Variants in SDK1 observed in about 807,000 individuals in gnomAD.
The protein encoded by SDK1 is protein sidekick-1.
In SDK1, 157 loss-of-function variants were observed where a neutral mutation model predicts 245.5. That is an observed-to-expected ratio of 0.64 (90% confidence interval 0.56 to 0.73). SDK1 has a LOEUF of 0.73. SDK1 is among the 30% of genes least tolerant of loss of function. SDK1 has a pLI of 0.00. For synonymous variants in SDK1, 1,647 were observed against 1,278.5 expected (o/e 1.29, Z -6.15); for missense variants, 3,583 against 3,002.3 (o/e 1.19, Z -4.52).
chr7:3,616,038 C>G (rs928929010), intron 1 of SDK1, among the ~76,000 whole-genome samples: 1 of 152,074 alleles, frequency 6.6e-6, no homozygotes, highest in African/African-American at 2.4e-5. Flanking sequence ...GTGTATATCA[C>G]CACACTGGCT....
At chr7:3,589,652 A>G (rs1289180854) in intron 1 of SDK1, among the ~76,000 whole-genome samples, 1 of 152,208 alleles carries the variant, frequency 6.6e-6, no homozygotes, top group Non-Finnish European at 1.5e-5. Context: ...GAGGCAGGCA[A>G]GAGAGCATGT....
At chr7:3,999,125 A>AACAC (rs140564397) in intron 14 of SDK1, among the ~76,000 whole-genome samples, 2 of 151,284 alleles carry the variant, frequency 1.3e-5, no homozygotes, top group Middle Eastern at 3.4e-3. Context: ...TCTCTCCCCA[A>AACAC]ACACACACAC....
intron 25 of SDK1, among the ~76,000 whole-genome samples, chr7:4,116,357 C>A (rs1439235347): frequency 6.6e-6 from 1 of 152,186 alleles, no homozygotes; most frequent in African/African-American, 2.4e-5. Flanking sequence ...GGAGTCTGCA[C>A]CCTGGGCTTG....
At chr7:3,761,260 CTTTTTTTTT>C (rs71029692) in intron 4 of SDK1, among the ~76,000 whole-genome samples, 73 of 93,730 alleles carry the variant, frequency 7.8e-4, no homozygotes, top group Admixed American at 1.9e-3. Context: ...GCCCCCCCTC[CTTTTTTTTT>C]TTTTTTTTTT....
intron 28 of SDK1, among the ~76,000 whole-genome samples, chr7:4,142,474 G>T (rs10951439): frequency 0.54 from 81,151 of 151,568 alleles, 22,515 homozygotes; most frequent in East Asian, 0.85. Context: ...GATTACAAGC[G>T]CCCGCCATCA....
chr7:3,789,917 G>C (rs1781028200), intron 4 of SDK1, among the ~76,000 whole-genome samples: 1 of 150,814 alleles, frequency 6.6e-6, no homozygotes, highest in South Asian at 2.1e-4. Context: ...GTGTTGGGGG[G>C]TTGGGGGCGG....
chr7:4,112,169 G>T (rs767955573), intron 23 of SDK1, among the ~76,000 whole-genome samples: 1 of 152,152 alleles, frequency 6.6e-6, no homozygotes, highest in Admixed American at 6.5e-5. Flanking sequence ...ATATATGCAA[G>T]GTGAACATTG....
chr7:3,887,163 T>G (rs7809616), intron 5 of SDK1, among the ~76,000 whole-genome samples: 53,062 of 152,058 alleles, frequency 0.35, 11,988 homozygotes, highest in African/African-American at 0.65. Flanking sequence ...TCCATGTGGG[T>G]ACTCAGGGGT....
intron 5 of SDK1, among the ~76,000 whole-genome samples, chr7:3,836,056 A>T (rs957560053): frequency 5.3e-5 from 8 of 152,196 alleles, no homozygotes; most frequent in African/African-American, 1.9e-4. Context: ...TCAGAGATGG[A>T]CTGTGTTATA....
intron 4 of SDK1, among the ~76,000 whole-genome samples, chr7:3,735,542 A>T (rs932692863): frequency 6.6e-6 from 1 of 152,240 alleles, no homozygotes; most frequent in African/African-American, 2.4e-5. Flanking sequence ...TGCATAGGGC[A>T]CGGTGTGTTT....
At chr7:3,743,572 G>A (rs1389494740) in intron 4 of SDK1, among the ~76,000 whole-genome samples, 1 of 152,094 alleles carries the variant, frequency 6.6e-6, no homozygotes, top group Non-Finnish European at 1.5e-5. Flanking sequence ...TGGGTGTGCC[G>A]GGATACAGAA....
At chr7:3,950,053 A>T (rs1402697504) in intron 5 of SDK1, among the ~76,000 whole-genome samples, 1 of 152,242 alleles carries the variant, frequency 6.6e-6, no homozygotes, top group African/African-American at 2.4e-5. Context: ...GCAAACTCTT[A>T]AATCAATAAA....
At chr7:4,050,339 G>A (rs561408776) in intron 18 of SDK1, among the ~76,000 whole-genome samples, 24 of 152,274 alleles carry the variant, frequency 1.6e-4, no homozygotes, top group African/African-American at 5.5e-4. Context: ...CCTGCCTTTC[G>A]TTTACCCTCA....
chr7:3,344,245 A>G (rs1780433850), intron 1 of SDK1, among the ~76,000 whole-genome samples: 1 of 152,222 alleles, frequency 6.6e-6, no homozygotes, highest in Admixed American at 6.5e-5. Context: ...TGTTTTAAAA[A>G]TGGTGGTAAA....
chr7:4,239,134 T>C (rs981171878), intron 42 of SDK1, among the ~76,000 whole-genome samples: 3 of 152,174 alleles, frequency 2.0e-5, no homozygotes, highest in African/African-American at 7.2e-5. Context: ...ATTCAGTCAA[T>C]AAGCATTTAT....
At chr7:4,034,348 G>A (rs73300926) in intron 17 of SDK1, among the ~76,000 whole-genome samples, 2 of 152,172 alleles carry the variant, frequency 1.3e-5, no homozygotes, top group South Asian at 4.1e-4. Context: ...TTAGATGGCA[G>A]TCATGTGTCA....
At chr7:3,809,344 C>T (rs1221668681) in intron 4 of SDK1, among the ~76,000 whole-genome samples, 2 of 152,122 alleles carry the variant, frequency 1.3e-5, no homozygotes, top group African/African-American at 2.4e-5. Flanking sequence ...AGTCACCTCC[C>T]ACCAGGCCCC....
chr7:3,368,225 T>C (rs997167586), intron 1 of SDK1, among the ~76,000 whole-genome samples: 19 of 152,218 alleles, frequency 1.2e-4, no homozygotes, highest in African/African-American at 4.6e-4. Flanking sequence ...TAAGTCATGT[T>C]AATTTCTAGG....
chr7:3,867,763 T>C (rs943997570), intron 5 of SDK1, among the ~76,000 whole-genome samples: 1 of 152,234 alleles, frequency 6.6e-6, no homozygotes, highest in Non-Finnish European at 1.5e-5. Flanking sequence ...TTTTGATATC[T>C]GGCTTATTTT....
Sources: gnomAD v4.1 joint callset for allele counts (sites outside exome capture counted in the v4.1 genomes callset) on GRCh38, gnomAD v4.1.1 for gene constraint, MANE v1.5 for transcripts, NCBI Gene and HGNC (gene_info 2026-07-23, HGNC 2026-07-21) for gene names.